NAALADL2: variants seen among roughly 807,000 people sequenced by gnomAD.
NAALADL2 encodes inactive N-acetylated-alpha-linked acidic dipeptidase-like protein 2.
Under a neutral mutation model 87.2 loss-of-function variants are expected in NAALADL2, and 76 were observed. That is an observed-to-expected ratio of 0.87 (90% CI 0.72 to 1.05). The LOEUF is 1.05. Ranked by LOEUF, NAALADL2 falls within the 50% of genes least tolerant of loss-of-function variation. The pLI, the probability that NAALADL2 is intolerant of heterozygous loss-of-function variation, is 0.00. For synonymous variants in NAALADL2, 354 were observed against 331.0 expected, an observed-to-expected ratio of 1.07 and a Z score of -0.75; for missense variants, 1,089 against 945.8, an observed-to-expected ratio of 1.15 and a Z score of -1.99.
chr3:174,889,794 C>T (rs183497838), intron 1 of NAALADL2, among the ~76,000 whole-genome samples: 4 of 152,222 alleles, frequency 2.6e-5, no homozygotes, highest in Admixed American at 2.6e-4. Context: ...CTGTATTTGA[C>T]TAAGATCAAC....
intron 2 of NAALADL2, among the ~76,000 whole-genome samples, chr3:174,556,279 T>G (rs1211324191): frequency 6.6e-6 from 1 of 152,154 alleles, no homozygotes; most frequent in Non-Finnish European, 1.5e-5. Flanking sequence ...TATCTACTCT[T>G]GTTTTATCCT....
chr3:175,617,356 G>A (rs1017001516), intron 10 of NAALADL2, among the ~76,000 whole-genome samples: 5 of 152,136 alleles, frequency 3.3e-5, no homozygotes, highest in African/African-American at 1.2e-4. Flanking sequence ...ATTTGGTCCT[G>A]CTGGACCATT....
intron 1 of NAALADL2, among the ~76,000 whole-genome samples, chr3:174,993,897 G>A (rs115770252): frequency 0.016 from 2,376 of 152,228 alleles, 31 homozygotes; most frequent in Non-Finnish European, 0.018. Flanking sequence ...CCTGCAATCC[G>A]TGGCATTCCT....
At chr3:175,415,644 T>C (rs1581790552) in intron 5 of NAALADL2, among the ~76,000 whole-genome samples, 2 of 152,202 alleles carry the variant, frequency 1.3e-5, no homozygotes, top group East Asian at 3.9e-4. Context: ...CTTCTAAACT[T>C]ATGAAAATAG....
intron 10 of NAALADL2, among the ~76,000 whole-genome samples, chr3:175,592,977 T>C (rs1003253955): frequency 1.3e-5 from 2 of 152,104 alleles, no homozygotes; most frequent in African/African-American, 4.8e-5. Flanking sequence ...TTTCCATGCT[T>C]TCATTGAACA....
chr3:175,702,901 T>A (rs185233999), intron 11 of NAALADL2, among the ~76,000 whole-genome samples: 5 of 151,500 alleles, frequency 3.3e-5, no homozygotes, highest in Admixed American at 2.0e-4. Flanking sequence ...AGAAAAGAAA[T>A]GCACTTGAGG....
At chr3:175,246,112 T>G (rs1747928695) in intron 3 of NAALADL2, among the ~76,000 whole-genome samples, 1 of 152,170 alleles carries the variant, frequency 6.6e-6, no homozygotes, top group Admixed American at 6.6e-5. Flanking sequence ...AGTCTTTGAA[T>G]TTTGAAATCT....
At chr3:174,610,840 A>C (rs373011360) in intron 2 of NAALADL2, among the ~76,000 whole-genome samples, 1 of 152,180 alleles carries the variant, frequency 6.6e-6, no homozygotes, top group Non-Finnish European at 1.5e-5. Flanking sequence ...ACTATAAATC[A>C]TGCTGCTATA....
At position 175,608,356 on chromosome 3, in the gene NAALADL2, T is replaced by A. The variant is rs149230524; in HGVS notation, c.1801-18935T>A. On this transcript the variant is annotated intron_variant, in intron 10 of 13. Coordinates refer to ENST00000454872, the MANE Select transcript of NAALADL2 (RefSeq NM_207015.3). ...AAGATTAGCTCCACTTTTTCCTAAA[T>A]CTGCATTTTCTGTTTTAAAAAATTT... Among the ~76,000 whole-genome samples, 384 of 151,532 alleles carry A rather than the reference T, an allele frequency of 2.5e-3. 2 individuals carry two copies. Among genetic ancestry groups the A allele is most frequent in the African/African-American group, 8.9e-3 (367 of 41,408 alleles).
intron 2 of NAALADL2, among the ~76,000 whole-genome samples, chr3:174,720,132 T>A (rs193095301): frequency 7.0e-4 from 106 of 152,214 alleles, no homozygotes; most frequent in Non-Finnish European, 1.2e-3. Flanking sequence ...TATCAAGAAA[T>A]AATTTGCTTT....
chr3:175,791,917 A>AC (rs1752832647), intron 13 of NAALADL2, among the ~76,000 whole-genome samples: 1 of 151,436 alleles, frequency 6.6e-6, no homozygotes, highest in Admixed American at 6.6e-5. Context: ...AAAGCAAAAA[A>AC]AAAAAACAAC....
intron 9 of NAALADL2, among the ~76,000 whole-genome samples, chr3:175,511,167 C>A (rs1289833176): frequency 6.6e-6 from 1 of 152,074 alleles, no homozygotes; most frequent in Non-Finnish European, 1.5e-5. Context: ...AGTGGTCGTT[C>A]CTAGATAACC....
At chr3:174,844,962 A>G (rs1269032656) in intron 3 of NAALADL2, among the ~76,000 whole-genome samples, 2 of 147,072 alleles carry the variant, frequency 1.4e-5, no homozygotes, top group African/African-American at 5.1e-5. Flanking sequence ...CAGGTGGGGA[A>G]GTGGGACTGC....
chr3:174,613,803 A>G (rs985582967), intron 2 of NAALADL2, among the ~76,000 whole-genome samples: 7 of 152,218 alleles, frequency 4.6e-5, no homozygotes, highest in Middle Eastern at 3.2e-3. Context: ...TTAAGGTACA[A>G]GGCAAAGTCT....
At chr3:175,630,238 A>C (rs1462379941) in intron 11 of NAALADL2, among the ~76,000 whole-genome samples, 1 of 151,846 alleles carries the variant, frequency 6.6e-6, no homozygotes, top group African/African-American at 2.4e-5. Context: ...TCAACAGAGA[A>C]ATGAAATATA....
intron 11 of NAALADL2, among the ~76,000 whole-genome samples, chr3:175,731,603 C>T (rs1198224300): frequency 6.6e-6 from 1 of 152,162 alleles, no homozygotes; most frequent in Non-Finnish European, 1.5e-5. Flanking sequence ...CAGTGTGGCT[C>T]ATCTCTGTGC....
At chr3:174,457,021 A>T (rs1364191841) in intron 1 of NAALADL2, among the ~76,000 whole-genome samples, 1 of 152,214 alleles carries the variant, frequency 6.6e-6, no homozygotes, top group African/African-American at 2.4e-5. Context: ...ACAAGAAAAA[A>T]TAATCCCATT....
intron 2 of NAALADL2, among the ~76,000 whole-genome samples, chr3:174,699,213 G>A (rs894631019): frequency 1.3e-5 from 2 of 151,754 alleles, no homozygotes; most frequent in African/African-American, 4.8e-5. Flanking sequence ...ATCTAAGGTG[G>A]TGGGCCGGGC....
chr3:175,342,629 A>T (rs56085809), intron 5 of NAALADL2, among the ~76,000 whole-genome samples: 11,945 of 152,094 alleles, frequency 0.079, 489 homozygotes, highest in Middle Eastern at 0.088. Flanking sequence ...TCTAATGTAG[A>T]TGTTCAAACA....
Sources: allele counts gnomAD v4.1 joint callset (sites outside exome capture counted in the v4.1 genomes callset), GRCh38; gene constraint gnomAD v4.1.1; transcripts MANE v1.5; gene names NCBI Gene and HGNC (gene_info 2026-07-23, HGNC 2026-07-21).